LAD1: variants seen among roughly 807,000 people sequenced by gnomAD.
LAD1 encodes the protein ladinin 1, also known as ladinin-1.
Under a neutral mutation model 54.2 loss-of-function variants are expected in LAD1, and 53 were observed. The ratio of observed to expected loss-of-function variants is 0.98; its 90% CI spans 0.78 to 1.23. The LOEUF (loss-of-function observed/expected upper bound fraction) is 1.23, where lower values mean the gene tolerates loss of function less well. Among genes scored for constraint, LAD1 ranks in the 50% most tolerant of loss-of-function variants. The pLI, the probability that LAD1 is intolerant of heterozygous loss-of-function variation, is 0.00. For synonymous variants in LAD1, 231 were observed against 257.7 expected, an observed-to-expected ratio of 0.90 and a Z score of 0.99; for missense variants, 637 against 653.3, an observed-to-expected ratio of 0.98 and a Z score of 0.27.
At chr1:201,390,399 T>C (rs1161180997) in intron 1 of LAD1, among the ~76,000 whole-genome samples, 2 of 148,682 alleles carry the variant, frequency 1.3e-5, no homozygotes, top group African/African-American at 4.9e-5. Flanking sequence ...TAGCTGGGCA[T>C]AGCGGTGCAT....
At chr1:201,382,773 G>A in intron 7 of LAD1, 34 bp from the exon 8 acceptor site, 1 of 1,508,700 alleles carries the variant, frequency 6.6e-7, no homozygotes, top group Non-Finnish European at 9.1e-7. Context: ...AGGGTTTAGG[G>A]CCCTTGGCAG....
Position 201,381,404 on chromosome 1 carries a change from G to A in LAD1, c.*484C>T, listed in dbSNP as rs548680476. ...CAGCTCCTTCTCCCCTGGCCAGAGCGGGCCTCAGTGGCTGGGAGCAGGCCC... is the reference window on the plus strand; with the variant it reads ...CAGCTCCTTCTCCCCTGGCCAGAGCAGGCCTCAGTGGCTGGGAGCAGGCCC... On this transcript the variant is annotated 3_prime_UTR_variant, in exon 10 of 10. Transcript: ENST00000391967. 76 of 184,114 alleles carry A rather than the reference G, an allele frequency of 4.1e-4. No homozygotes were observed. Among genetic ancestry groups the A allele is most frequent in the Non-Finnish European group, 7.2e-4 (63 of 87,072 alleles). The allele number at this position is 184,114 out of a possible 1,614,324, so 11.4% of individuals were successfully genotyped here.
At chr1:201,387,330 C>T (rs1054203588) in intron 2 of LAD1, 152 bp from the exon 3 acceptor site, 8 of 663,048 alleles carry the variant, frequency 1.2e-5, no homozygotes, top group South Asian at 9.9e-5. Flanking sequence ...TTTATCCACT[C>T]GATATATTGC....
Position 201,381,652 on chromosome 1 carries a change from G to GGGTGGCA in LAD1, c.*235_*236insTGCCACC, listed in dbSNP as rs1661961595. On this transcript the variant is annotated 3_prime_UTR_variant, in exon 10 of 10. Coordinates refer to ENST00000391967, the MANE Select transcript of LAD1 (RefSeq NM_005558.4). The stretch of plus-strand genomic sequence containing the variant: ...TGACCTGGGCAGAGACTGGGTCCCA[G>GGGTGGCA]CATCTGTTGTGCCTGCCGCAGGGTG... 4.9e-6 allele frequency: 3 copies of GGGTGGCA among 610,054 alleles called. No individual in the cohort carries two copies. The East Asian group carries it at 8.6e-5, about 17-fold the overall frequency. The allele number at this position is 610,054 out of a possible 1,614,324, so 37.8% of individuals were successfully genotyped here.
At chr1:201,382,041 G>T in intron 9 of LAD1, 148 bp from the exon 10 acceptor site, 1 of 916,578 alleles carries the variant, frequency 1.1e-6, no homozygotes, top group Non-Finnish European at 1.7e-6. Flanking sequence ...AAGAGGGAGG[G>T]GCTCTGCAGA....
In LAD1 at chr1:201,384,796, G is replaced by A; in HGVS notation, c.1171C>T (p.Arg391Cys). The change falls in exon 5 of 10, where the codon CGC becomes TGC. Residue 391 changes from arginine to cysteine, a missense_variant. Transcript: ENST00000391967. Reference sequence around the variant, plus strand: ...CAGAGCCTCCAGGCCCCCCACCTGCGAGTTAGGGTTGTTTCCGAGTTTTCT... The same window carrying A: ...CAGAGCCTCCAGGCCCCCCACCTGCAAGTTAGGGTTGTTTCCGAGTTTTCT... ...KKENSETTLT[R>C]SASMKLPDNT... is the part of the protein sequence containing the mutation. The A allele has an allele frequency of 8.1e-6, 13 of 1,614,082 alleles. No individual in the cohort carries two copies. Among genetic ancestry groups the A allele is most frequent in the Admixed American group, 1.7e-5 (1 of 60,022 alleles).
intron 1 of LAD1, among the ~76,000 whole-genome samples, chr1:201,393,851 C>CT (rs35169716): frequency 0.13 from 14,428 of 112,222 alleles, 1,961 homozygotes; most frequent in African/African-American, 0.29. Context: ...TTAAGTTTTG[C>CT]TTTTTTTTTT....
chr1:201,382,837 C>G, intron 7 of LAD1, 98 bp from the exon 8 acceptor site: 3 of 1,012,548 alleles, frequency 3.0e-6, no homozygotes, highest in South Asian at 2.9e-5. Flanking sequence ...CCTCACTCCC[C>G]TATGCATCCA....
At chr1:201,389,059 A>C in intron 2 of LAD1, 101 bp downstream of exon 2, 2 of 1,407,610 alleles carry the variant, frequency 1.4e-6, no homozygotes, top group Non-Finnish European at 2.0e-6. Context: ...CTTCAGCCTC[A>C]TTTCCTGGGC....
At chr1:201,388,884 C>T (rs983987099) in intron 2 of LAD1, among the ~76,000 whole-genome samples, 1 of 152,184 alleles carries the variant, frequency 6.6e-6, no homozygotes, top group Non-Finnish European at 1.5e-5. Flanking sequence ...ATACCTCTCT[C>T]TCAGGGACAT....
chr1:201,395,063 G>A (rs1662265349), intron 1 of LAD1, among the ~76,000 whole-genome samples: 1 of 152,166 alleles, frequency 6.6e-6, no homozygotes, highest in African/African-American at 2.4e-5. Context: ...GTGTCCCCAA[G>A]CTTTATACTA....
chr1:201,389,455 A>T (rs557453803), intron 1 of LAD1, 152 bp from the exon 2 acceptor site: 1 of 819,162 alleles, frequency 1.2e-6, no homozygotes, highest in Non-Finnish European at 1.9e-6. Context: ...GGCTGGTGTG[A>T]ACCAAGGCAT....
At position 201,387,062 on chromosome 1, in the gene LAD1, T is replaced by G; in HGVS notation, c.299A>C (p.Gln100Pro). 1 of 1,611,920 alleles carries G rather than the reference T, an allele frequency of 6.2e-7. No homozygotes were observed. Among genetic ancestry groups the G allele is most frequent in the Non-Finnish European group, 8.5e-7 (1 of 1,179,218 alleles). The stretch of plus-strand genomic sequence containing the variant: ...GGGGGCCTGTGCAGCCTCCACCACC[T>G]GCCGCCTCTGCCTCCGCTCCTGCCG... Reference protein sequence around the residue: ...RTRQERRQRRQVVEAAQAPIQ... With the variant: ...RTRQERRQRRPVVEAAQAPIQ... The change falls in exon 3 of 10, where the codon CAG becomes CCG. Residue 100 changes from glutamine to proline, a missense_variant. By Grantham distance (76) the Gln-to-Pro change is moderately conservative. Transcript: ENST00000391967.
intron 2 of LAD1, 147 bp downstream of exon 2, chr1:201,389,013 G>T: frequency 1.1e-6 from 1 of 900,798 alleles, no homozygotes; most frequent in East Asian, 2.5e-5. Flanking sequence ...GACTGAGTCT[G>T]GGGAAGGTGG....
At chr1:201,396,306 C>G (rs1037860118) in intron 1 of LAD1, among the ~76,000 whole-genome samples, 1 of 152,152 alleles carries the variant, frequency 6.6e-6, no homozygotes, top group East Asian at 1.9e-4. Context: ...TCCTCCTCCC[C>G]ACTCCAGACT....
chr1:201,382,174 T>C, intron 9 of LAD1, 78 bp downstream of exon 9: 1 of 1,232,560 alleles, frequency 8.1e-7, no homozygotes, highest in Non-Finnish European at 1.2e-6. Flanking sequence ...AATTAGTGTG[T>C]GCACACGGGG....
chr1:201,387,235 ATACCT>A (rs1662110643), intron 2 of LAD1, 57 bp from the exon 3 acceptor site: 21 of 1,447,756 alleles, frequency 1.5e-5, no homozygotes, highest in African/African-American at 4.3e-5. Flanking sequence ...TACCCTAAGT[ATACCT>A]AACCCAATGG....
At chr1:201,397,095 A>G (rs1457888529) in intron 1 of LAD1, 1 of 152,716 alleles carries the variant, frequency 6.5e-6, no homozygotes, top group East Asian at 1.9e-4. Flanking sequence ...TCTCTGCTCC[A>G]TGCCAAGGAT....
At position 201,383,333 on chromosome 1, in the gene LAD1, T is replaced by C; in HGVS notation, c.1232A>G (p.Tyr411Cys). The C allele has an allele frequency of 6.2e-7, 1 of 1,613,994 alleles. No individual in the cohort carries two copies. The highest frequency in any genetic ancestry group is 8.5e-7 in the Non-Finnish European group (1 of 1,179,990). ...CCCACCCACCCGTATGGCCGTGTGG[T>C]ATCTCTCCAGCTTCTCTCCCAACTT... ...TVKLGEKLERYHTAIRRSESV... is the reference protein window; with the variant it reads ...TVKLGEKLERCHTAIRRSESV... Residue 411 changes from tyrosine to cysteine, a missense_variant, in exon 6 of 10, where the codon TAC becomes TGC. Tyr to Cys is a radical substitution (Grantham distance 194). Transcript: ENST00000391967.
Sources: gnomAD v4.1 joint callset for allele counts (sites outside exome capture counted in the v4.1 genomes callset) on GRCh38, gnomAD v4.1.1 for gene constraint, MANE v1.5 for transcripts, NCBI Gene and HGNC (gene_info 2026-07-23, HGNC 2026-07-21) for gene names.